ANO2: variants seen among roughly 807,000 people sequenced by gnomAD.
ANO2 encodes the protein anoctamin-2.
ANO2 carries 101 observed loss-of-function variants against 124.2 expected under a neutral mutation model. The observed-to-expected ratio is 0.81, with a 90% confidence interval of 0.69 to 0.96. ANO2 has a LOEUF of 0.96. ANO2 is among the 40% of genes least tolerant of loss of function. The pLI is 0.00. For synonymous variants in ANO2, 486 were observed against 482.5 expected, an observed-to-expected ratio of 1.01 and a Z score of -0.09; for missense variants, 1,293 against 1,274.5, an observed-to-expected ratio of 1.01 and a Z score of -0.22.
chr12:5,660,191 C>T (rs181500729), intron 14 of ANO2, among the ~76,000 whole-genome samples: 1 of 152,074 alleles, frequency 6.6e-6, no homozygotes, highest in Non-Finnish European at 1.5e-5. Context: ...TCCACCATAA[C>T]CCCACTGTAA....
intron 7 of ANO2, among the ~76,000 whole-genome samples, chr12:5,812,922 GAGAGAGAA>G (rs1489261397): frequency 7.0e-6 from 1 of 142,008 alleles, no homozygotes; most frequent in African/African-American, 2.7e-5. Context: ...GAAAAAGAAA[GAGAGAGAA>G]AGAGAGGAAG....
At chr12:5,793,264 C>G (rs1486354202) in intron 10 of ANO2, among the ~76,000 whole-genome samples, 1 of 152,060 alleles carries the variant, frequency 6.6e-6, no homozygotes, top group Non-Finnish European at 1.5e-5. Flanking sequence ...AACAAACTGT[C>G]CCAGAGATAA....
At chr12:5,820,543 C>T (rs1246553381) in intron 7 of ANO2, among the ~76,000 whole-genome samples, 1 of 152,198 alleles carries the variant, frequency 6.6e-6, no homozygotes, top group East Asian at 1.9e-4. Context: ...GCAGAACCCC[C>T]ACATCGGCTC....
intron 4 of ANO2, among the ~76,000 whole-genome samples, chr12:5,844,171 C>T (rs1289715581): frequency 6.6e-6 from 1 of 152,120 alleles, no homozygotes; most frequent in East Asian, 1.9e-4. Flanking sequence ...ATACTTAAAG[C>T]ATTTGGAAAG....
intron 14 of ANO2, among the ~76,000 whole-genome samples, chr12:5,700,406 C>A (rs1231721834): frequency 1.3e-5 from 2 of 152,064 alleles, no homozygotes; most frequent in Non-Finnish European, 2.9e-5. Flanking sequence ...AACAAAGACA[C>A]AACATACCAG....
chr12:5,865,194 A>T (rs184474193), intron 3 of ANO2, among the ~76,000 whole-genome samples: 1 of 152,300 alleles, frequency 6.6e-6, no homozygotes, highest in East Asian at 1.9e-4. Flanking sequence ...ATCCTAACAA[A>T]GTTCAATTCA....
At chr12:5,930,461 G>T (rs144898361) in intron 1 of ANO2, among the ~76,000 whole-genome samples, 1 of 152,046 alleles carries the variant, frequency 6.6e-6, no homozygotes, top group East Asian at 1.9e-4. Context: ...GGGTAGGTGC[G>T]GACTCGATCA....
chr12:5,721,900 A>T (rs1014090135), intron 14 of ANO2, among the ~76,000 whole-genome samples: 1 of 152,254 alleles, frequency 6.6e-6, no homozygotes, highest in Admixed American at 6.5e-5. Context: ...TTAGGCTAAA[A>T]GAAATACTTA....
intron 22 of ANO2, 98 bp from the exon 23 acceptor site, chr12:5,576,113 T>C (rs1221261948): frequency 5.6e-6 from 7 of 1,239,238 alleles, no homozygotes; most frequent in Middle Eastern, 2.7e-4. Context: ...CTCTGACTGA[T>C]ACAGAAGCTC....
At chr12:5,845,334 G>A (rs1404389475) in intron 4 of ANO2, among the ~76,000 whole-genome samples, 5 of 151,926 alleles carry the variant, frequency 3.3e-5, no homozygotes, top group East Asian at 1.9e-4. Context: ...TTGGGAGGCC[G>A]AGGCAGTTGG....
chr12:5,802,403 T>G (rs954054696), intron 9 of ANO2, among the ~76,000 whole-genome samples: 1 of 152,238 alleles, frequency 6.6e-6, no homozygotes, highest in Non-Finnish European at 1.5e-5. Flanking sequence ...GCACCAAAGC[T>G]GGGAGGCGGT....
Position 5,596,604 on chromosome 12 carries a change from T to C in ANO2, c.2233+2880A>G, listed in dbSNP as rs140572233. The stretch of plus-strand genomic sequence containing the variant: ...TCTCTACAATCTTGGTGTGAGTTCC[T>C]TCCCAAAGTCACCAAGTAAATCTTC... On this transcript the variant is annotated intron_variant, in intron 20 of 24. Coordinates refer to ENST00000682330, the MANE Select transcript of ANO2 (RefSeq NM_001364791.2). Among the ~76,000 whole-genome samples the C allele has an allele frequency of 2.9e-3, 436 of 152,302 alleles. 1 individual carries two copies. Among genetic ancestry groups the C allele is most frequent in the Non-Finnish European group, 4.3e-3 (292 of 68,024 alleles).
rs200676636 is a variant in ANO2 at position 5,745,165 on chromosome 12, AT to A, written c.1191-849del. Among the ~76,000 whole-genome samples, 634 of 152,326 alleles carry A rather than the reference AT, an allele frequency of 4.2e-3. 3 individuals are homozygous for A. The highest frequency in any genetic ancestry group is 0.015 in the African/African-American group (618 of 41,576). On this transcript the variant is annotated intron_variant, in intron 11 of 24. Transcript: ENST00000682330. The stretch of plus-strand genomic sequence containing the variant: ...ATCCAACAGATTTAGGCTCATATGA[AT>A]GCTTGGAAATAAGAACCAAAGAATC...
intron 13 of ANO2, among the ~76,000 whole-genome samples, chr12:5,735,075 C>G (rs746539978): frequency 6.6e-6 from 1 of 152,182 alleles, no homozygotes; most frequent in East Asian, 1.9e-4. Context: ...TCCCTCTTTG[C>G]AGCCAAGCAA....
In ANO2 at chr12:5,599,614, T is replaced by C. The variant is rs910324736; in HGVS notation, c.2103A>G (p.Leu701=). The C allele has an allele frequency of 5.6e-6, 9 of 1,613,578 alleles. No homozygotes were observed. In the African/African-American group the frequency reaches 8.0e-5, roughly 14 times the overall value. ...CGGTCTCATCTTTCAGCTTTCGAAA[T>C]AGTTTCTTTAGCTTCCTGGAAAAGA... The part of the protein sequence containing the change: ...FEIGVPKLKK[L]FRKLKDETEA... Residue 701 remains leucine, a synonymous_variant, in exon 20 of 25, where the codon CTA becomes CTG. Coordinates refer to ENST00000682330, the MANE Select transcript of ANO2 (RefSeq NM_001364791.2).
intron 10 of ANO2, among the ~76,000 whole-genome samples, chr12:5,793,197 C>G (rs556509979): frequency 6.6e-6 from 1 of 152,290 alleles, no homozygotes; most frequent in African/African-American, 2.4e-5. Flanking sequence ...TAAGGGAAAT[C>G]AGCAGTTTTC....
chr12:5,905,033 T>C (rs1402118445), intron 3 of ANO2, among the ~76,000 whole-genome samples: 2 of 152,150 alleles, frequency 1.3e-5, no homozygotes, highest in Middle Eastern at 3.2e-3. Flanking sequence ...CCTTTCCCCA[T>C]GCCAAGCTCA....
chr12:5,883,502 G>GGTGTGTGTGTGTGTGTGTGTGTGT (rs5796191), intron 3 of ANO2, among the ~76,000 whole-genome samples: 16 of 144,688 alleles, frequency 1.1e-4, no homozygotes, highest in African/African-American at 4.2e-4. Flanking sequence ...ACATTAGGGT[G>GGTGTGTGTGTGTGTGTGTGTGTGT]GTGTGTGTGT....
chr12:5,689,884 G>A (rs1412944218), intron 14 of ANO2, among the ~76,000 whole-genome samples: 1 of 152,122 alleles, frequency 6.6e-6, no homozygotes, highest in African/African-American at 2.4e-5. Flanking sequence ...TAATGGGAAA[G>A]GATGTTTCCC....
Sources: gnomAD v4.1 joint callset for allele counts (sites outside exome capture counted in the v4.1 genomes callset) on GRCh38, gnomAD v4.1.1 for gene constraint, MANE v1.5 for transcripts, NCBI Gene and HGNC (gene_info 2026-07-23, HGNC 2026-07-21) for gene names.